UNC79: variants seen among roughly 807,000 people sequenced by gnomAD.
UNC79 encodes unc-79 subunit of NALCN channel complex.
Under a neutral mutation model 283.1 loss-of-function variants are expected in UNC79, and 37 were observed. The ratio of observed to expected loss-of-function variants is 0.13; its 90% CI spans 0.10 to 0.17. The LOEUF (loss-of-function observed/expected upper bound fraction) is 0.17, where lower values mean the gene tolerates loss of function less well. Among genes scored for constraint, UNC79 ranks in the 10% least tolerant of loss-of-function variants. The pLI, the probability that UNC79 is intolerant of heterozygous loss-of-function variation, is 1.00. For synonymous variants in UNC79, 1,107 were observed against 1,200.2 expected (o/e 0.92, Z 1.61); for missense variants, 2,272 against 3,211.1 (o/e 0.71, Z 7.07).
At chr14:93,444,196 G>GTGA (rs2056397143) in intron 1 of UNC79, among the ~76,000 whole-genome samples, 1 of 152,148 alleles carries the variant, frequency 6.6e-6, no homozygotes, top group Non-Finnish European at 1.5e-5. Flanking sequence ...CTGAGGATTA[G>GTGA]TGATGTTGAA....
intron 30 of UNC79, among the ~76,000 whole-genome samples, chr14:93,628,863 C>G (rs944618050): frequency 6.6e-6 from 1 of 152,162 alleles, no homozygotes; most frequent in African/African-American, 2.4e-5. Flanking sequence ...CTTCTTACAG[C>G]AAGACGTTTC....
intron 1 of UNC79, among the ~76,000 whole-genome samples, chr14:93,416,839 A>G (rs1213136828): frequency 1.3e-5 from 2 of 151,810 alleles, no homozygotes; most frequent in Admixed American, 1.3e-4. Context: ...GACTAGGATT[A>G]CAACCCCTGC....
At chr14:93,461,597 TC>T (rs2056965381) in intron 1 of UNC79, among the ~76,000 whole-genome samples, 1 of 152,214 alleles carries the variant, frequency 6.6e-6, no homozygotes, top group South Asian at 2.1e-4. Context: ...TTCTTTCCCT[TC>T]CTGCCTTGTC....
chr14:93,454,356 C>A (rs1337993658), intron 1 of UNC79, among the ~76,000 whole-genome samples: 3 of 152,080 alleles, frequency 2.0e-5, no homozygotes, highest in Non-Finnish European at 2.9e-5. Context: ...AGACTTTTTT[C>A]CATTGACAGG....
At position 93,706,901 on chromosome 14, in the gene UNC79, A is replaced by G. The variant is rs79671939; in HGVS notation, c.7788A>G (p.Leu2596=). ...AAGCAGCCTCTCAATTTTATCCTCT[A>G]TGAGTGGACTCCTCGGCGCTCAGTG... The change falls in exon 49 of 49, where the codon CTA becomes CTG. Residue 2596 remains leucine, a synonymous_variant. Coordinates refer to ENST00000555664, the Ensembl canonical transcript of UNC79. The G allele has an allele frequency of 1.5e-3, 2,401 of 1,614,174 alleles. 3 individuals are homozygous for G. The highest frequency in any genetic ancestry group is 1.7e-3 in the Non-Finnish European group (1,999 of 1,180,024).
intron 20 of UNC79, among the ~76,000 whole-genome samples, chr14:93,584,623 A>G (rs2064082017): frequency 1.3e-5 from 2 of 152,228 alleles, no homozygotes; most frequent in South Asian, 4.1e-4. Flanking sequence ...AAGCTAGCAC[A>G]CAGATCAATT....
chr14:93,563,338 G>C lies in UNC79; in HGVS notation c.1756-8556G>C, dbSNP rs147570574. On this transcript the variant is annotated intron_variant, in intron 14 of 48. Coordinates refer to ENST00000555664, the Ensembl canonical transcript of UNC79. ...ATGGCCCTTGCAGTGAATGACTCCA[G>C]CTTCCTTTGGAAGTAAAGTGGTCTT... Among the ~76,000 whole-genome samples, 893 of 152,302 alleles carry C rather than the reference G, an allele frequency of 5.9e-3. 11 individuals are homozygous for C. Among genetic ancestry groups the C allele is most frequent in the African/African-American group, 0.02 (845 of 41,562 alleles).
At chr14:93,489,537 G>A (rs1313335244) in intron 5 of UNC79, among the ~76,000 whole-genome samples, 2 of 152,080 alleles carry the variant, frequency 1.3e-5, no homozygotes, top group African/African-American at 4.8e-5. Flanking sequence ...GGGAGAAATG[G>A]GAAAGAAAAA....
intron 26 of UNC79, among the ~76,000 whole-genome samples, chr14:93,611,266 G>A (rs576204215): frequency 1.3e-5 from 2 of 152,316 alleles, no homozygotes; most frequent in Non-Finnish European, 2.9e-5. Flanking sequence ...AGGCAGAAAA[G>A]TGTGAGTGTC....
At chr14:93,477,201 G>GCC (rs745855646) in intron 3 of UNC79, among the ~76,000 whole-genome samples, 1 of 152,158 alleles carries the variant, frequency 6.6e-6, no homozygotes, top group Non-Finnish European at 1.5e-5. Flanking sequence ...TTCTGATACT[G>GCC]CCCTTGACTT....
At chr14:93,556,498 C>T (rs767904011) in intron 14 of UNC79, among the ~76,000 whole-genome samples, 4 of 152,076 alleles carry the variant, frequency 2.6e-5, no homozygotes, top group African/African-American at 4.8e-5. Context: ...TATCAGTCTG[C>T]GTGTAATTCT....
At chr14:93,408,393 TTAA>T (rs1231378616) in intron 1 of UNC79, among the ~76,000 whole-genome samples, 2 of 152,160 alleles carry the variant, frequency 1.3e-5, no homozygotes, top group African/African-American at 2.4e-5. Flanking sequence ...TGGACTTTAG[TTAA>T]TAATACCATA....
intron 24 of UNC79, among the ~76,000 whole-genome samples, chr14:93,599,460 T>C (rs2065336318): frequency 6.6e-6 from 1 of 152,154 alleles, no homozygotes; most frequent in East Asian, 1.9e-4. Context: ...AAGGGCAAGC[T>C]TGCACGACCT....
At chr14:93,704,600 GA>G in intron 47 of UNC79, 24 bp from the exon 51 acceptor site, 1 of 1,613,710 alleles carries the variant, frequency 6.2e-7, no homozygotes, top group African/African-American at 1.3e-5. Flanking sequence ...CACTAATAAT[GA>G]AGCTTTTGTC....
intron 1 of UNC79, among the ~76,000 whole-genome samples, chr14:93,457,954 A>G (rs1008663584): frequency 4.6e-5 from 7 of 152,206 alleles, no homozygotes; most frequent in African/African-American, 7.2e-5. Flanking sequence ...ATTGAGGAGG[A>G]TGTCTGATTC....
At chr14:93,579,906 T>C (rs569002578) in intron 18 of UNC79, among the ~76,000 whole-genome samples, 218 of 152,342 alleles carry the variant, frequency 1.4e-3, no homozygotes, top group Non-Finnish European at 1.4e-3. Flanking sequence ...CTACATGATT[T>C]TTAAAATAAT....
chr14:93,509,638 G>C (rs544291721), intron 7 of UNC79, among the ~76,000 whole-genome samples: 15 of 152,120 alleles, frequency 9.9e-5, no homozygotes, highest in Non-Finnish European at 1.9e-4. Flanking sequence ...AATCTGCTTT[G>C]ACTCCATGTA....
At chr14:93,673,383 T>C (rs1428318786) in exon 41 of UNC79, 1 of 1,613,392 alleles carries the variant, frequency 6.2e-7, no homozygotes, top group South Asian at 1.1e-5. Flanking sequence ...CTCGTAGTGT[T>C]GTTCTAGAAC....
chr14:93,474,255 C>T lies in UNC79; in HGVS notation c.310C>T (p.Arg104Ter). The T allele has an allele frequency of 6.5e-7, 1 of 1,536,090 alleles. No homozygotes were observed. The highest frequency in any genetic ancestry group is 8.7e-7 in the Non-Finnish European group (1 of 1,146,886). The change falls in exon 3 of 49, where the codon CGA (arginine) becomes TGA (stop). Residue 104 changes from arginine to a stop codon, truncating the protein, a stop_gained. Coordinates refer to ENST00000555664, the Ensembl canonical transcript of UNC79. LOFTEE classifies it high-confidence loss of function. This position sits in a 1 kb window ranked among gnomAD's most constrained non-coding sequence, Gnocchi z 4.1. ...TCGCTCCCTCCTTTACAGCGTCCTG[C>T]GAGATGCTCCCTCAGAACGCGGCCC... is the stretch of plus-strand genomic sequence containing the variant.
Sources: allele counts gnomAD v4.1 joint callset (sites outside exome capture counted in the v4.1 genomes callset), GRCh38; gene constraint gnomAD v4.1.1; non-coding constraint Gnocchi (gnomAD v3.1); transcripts MANE v1.5; gene names NCBI Gene and HGNC (gene_info 2026-07-23, HGNC 2026-07-21).